KCNK2: variants seen among roughly 807,000 people sequenced by gnomAD.
KCNK2 encodes potassium two pore domain channel subfamily K member 2, also known as potassium channel subfamily K member 2.
KCNK2 carries 21 observed loss-of-function variants against 40.5 expected under a neutral mutation model. The ratio of observed to expected loss-of-function variants is 0.52; its 90% CI spans 0.37 to 0.75. The LOEUF (loss-of-function observed/expected upper bound fraction) is 0.75. KCNK2 is among the 30% of genes least tolerant of loss of function. The probability of loss-of-function intolerance (pLI) is 0.00; values close to 1 mark genes in which losing one functional copy is unlikely to be tolerated. For missense variants in KCNK2, 399 were observed against 531.6 expected (o/e 0.75, Z 2.45); for synonymous variants, 191 against 202.2 (o/e 0.94, Z 0.47).
At chr1:215,155,521 C>T (rs943257275) in intron 3 of KCNK2, among the ~76,000 whole-genome samples, 12 of 151,604 alleles carry the variant, frequency 7.9e-5, no homozygotes, top group Non-Finnish European at 1.5e-4. Context: ...TTTATTTATT[C>T]ATTCATTTAT....
Position 215,195,012 on chromosome 1 carries a change from G to C in KCNK2, c.883G>C (p.Val295Leu). ...YKPVVWFWIL[V>L]GLAYFAAVLS... Reference sequence around the variant, plus strand: ...GCCTGTCGTGTGGTTCTGGATCCTTGTAGGGCTTGCTTACTTTGCTGCTGT... The same window carrying C: ...GCCTGTCGTGTGGTTCTGGATCCTTCTAGGGCTTGCTTACTTTGCTGCTGT... The change falls in exon 6 of 7, where the codon GTA becomes CTA. Residue 295 changes from valine (V) to leucine (L), a missense_variant. By Grantham distance (32) the Val-to-Leu change is conservative (BLOSUM62 1). Transcript: ENST00000444842. The C allele has an allele frequency of 1.2e-6, 2 of 1,613,532 alleles. No homozygotes were observed. Among genetic ancestry groups the C allele is most frequent in the South Asian group, 2.2e-5 (2 of 91,058 alleles).
intron 2 of KCNK2, among the ~76,000 whole-genome samples, chr1:215,118,676 G>A (rs1176230564): frequency 6.6e-6 from 1 of 152,044 alleles, no homozygotes; most frequent in Non-Finnish European, 1.5e-5. Context: ...AGTGGATTTG[G>A]CCATTGTACA....
At chr1:215,076,464 C>T (rs764402368) in intron 1 of KCNK2, among the ~76,000 whole-genome samples, 1 of 152,100 alleles carries the variant, frequency 6.6e-6, no homozygotes, top group Non-Finnish European at 1.5e-5. Flanking sequence ...TGGAGAAGGA[C>T]CTGCTTTCAA....
intron 6 of KCNK2, among the ~76,000 whole-genome samples, chr1:215,209,203 TA>T (rs1450745014): frequency 2.2e-5 from 3 of 133,650 alleles, no homozygotes; most frequent in Non-Finnish European, 4.6e-5. Flanking sequence ...TATATATATA[TA>T]AAATATACAC....
chr1:215,227,446 TAAAAG>T (rs1407220117), intron 6 of KCNK2, among the ~76,000 whole-genome samples: 1 of 151,978 alleles, frequency 6.6e-6, no homozygotes, highest in African/African-American at 2.4e-5. Context: ...TTTGAGGAAA[TAAAAG>T]AAACGTTCAG....
intron 2 of KCNK2, among the ~76,000 whole-genome samples, chr1:215,118,098 C>T (rs772641314): frequency 6.6e-6 from 1 of 152,082 alleles, no homozygotes; most frequent in African/African-American, 2.4e-5. Flanking sequence ...TAGGCTCCAC[C>T]AGTGCAGTCT....
intron 4 of KCNK2, 26 bp from the exon 5 acceptor site, chr1:215,171,969 TAC>T: frequency 2.0e-6 from 3 of 1,489,528 alleles, no homozygotes; most frequent in South Asian, 1.2e-5. Context: ...TATATATATA[TAC>T]ACACACCTTT....
At chr1:215,080,822 T>C (rs1432342779), upstream of KCNK2, among the ~76,000 whole-genome samples, 1 of 152,182 alleles carries the variant, frequency 6.6e-6, no homozygotes. Context: ...GTTTTATGTG[T>C]CAACTTGACT....
intron 6 of KCNK2, among the ~76,000 whole-genome samples, chr1:215,230,559 C>CAAAT (rs1666613402): frequency 9.1e-6 from 1 of 109,512 alleles, no homozygotes; most frequent in Admixed American, 9.9e-5. Context: ...ACATAACAGC[C>CAAAT]ATATATATAT....
chr1:215,121,201 A>T (rs1431034317), intron 2 of KCNK2, among the ~76,000 whole-genome samples: 1 of 152,228 alleles, frequency 6.6e-6, no homozygotes, highest in Non-Finnish European at 1.5e-5. Context: ...AAACAAACAA[A>T]CAAAAATAAC....
chr1:215,007,526 A>G (rs1656222828), intron 1 of KCNK2, among the ~76,000 whole-genome samples: 1 of 152,044 alleles, frequency 6.6e-6, no homozygotes, highest in Non-Finnish European at 1.5e-5. Flanking sequence ...GTCAAGCTAC[A>G]GATGCCATCT....
At chr1:215,016,425 A>G (rs1479153621) in intron 1 of KCNK2, among the ~76,000 whole-genome samples, 1 of 152,196 alleles carries the variant, frequency 6.6e-6, no homozygotes, top group Non-Finnish European at 1.5e-5. Context: ...CCAATGGAAC[A>G]GAATAGAAAG....
At chr1:215,102,361 A>G (rs1202506881) in intron 2 of KCNK2, among the ~76,000 whole-genome samples, 1 of 152,048 alleles carries the variant, frequency 6.6e-6, no homozygotes, top group African/African-American at 2.4e-5. Context: ...AAAAATAAAA[A>G]TAAAAAAGCT....
intron 6 of KCNK2, among the ~76,000 whole-genome samples, chr1:215,230,509 A>G (rs200605241): frequency 0.035 from 1,310 of 37,008 alleles, 28 homozygotes; most frequent in African/African-American, 0.089. Context: ...ACACGGCTGT[A>G]TATATATATA....
At chr1:215,080,749 C>T (rs200272753), upstream of KCNK2, among the ~76,000 whole-genome samples, 22 of 151,908 alleles carry the variant, frequency 1.4e-4, no homozygotes, top group East Asian at 4.1e-3. Context: ...ACCTGACTGG[C>T]CAGGATTCCA....
upstream of KCNK2, among the ~76,000 whole-genome samples, chr1:215,080,923 G>C (rs1175825644): frequency 6.6e-6 from 1 of 152,218 alleles, no homozygotes; most frequent in African/African-American, 2.4e-5. Context: ...AGCATCTACA[G>C]TAAGACTTCA....
Position 215,216,532 on chromosome 1 carries a change from G to A in KCNK2, c.964-18296G>A, listed in dbSNP as rs528832866. ...TATATGTTACTTGTATGTTATATAT[G>A]TTATATATCATATATAGAATGTTGT... On this transcript the variant is annotated intron_variant, in intron 6 of 6. Transcript: ENST00000444842. 4.7e-5 allele frequency among the ~76,000 whole-genome samples: 7 copies of A among 148,958 alleles called. No individual in the cohort carries two copies. In the East Asian group the frequency reaches 5.9e-4, roughly 13 times the overall value.
At chr1:215,030,941 C>T (rs1178547722) in intron 1 of KCNK2, among the ~76,000 whole-genome samples, 1 of 152,072 alleles carries the variant, frequency 6.6e-6, no homozygotes, top group East Asian at 1.9e-4. Flanking sequence ...AGATCTGCAT[C>T]TCGATTCATT....
At chr1:215,226,922 C>T (rs1457614036) in intron 6 of KCNK2, among the ~76,000 whole-genome samples, 1 of 152,156 alleles carries the variant, frequency 6.6e-6, no homozygotes, top group Non-Finnish European at 1.5e-5. Flanking sequence ...TGGACCTTTA[C>T]TATGAATAGA....
Sources: gnomAD v4.1 joint callset for allele counts (sites outside exome capture counted in the v4.1 genomes callset) on GRCh38, gnomAD v4.1.1 for gene constraint, MANE v1.5 for transcripts, NCBI Gene and HGNC (gene_info 2026-07-23, HGNC 2026-07-21) for gene names.